The following DLC1 variants were observed in gnomAD, a reference collection of about 807,000 sequenced individuals.
DLC1 encodes the protein DLC1 Rho GTPase activating protein, also known as rho GTPase-activating protein 7.
In DLC1, 54 loss-of-function variants were observed where a neutral mutation model predicts 140.3. The observed-to-expected ratio is 0.38, with a 90% CI of 0.31 to 0.48. The LOEUF (loss-of-function observed/expected upper bound fraction) is 0.48. DLC1 is among the 20% of genes least tolerant of loss of function. The probability of loss-of-function intolerance (pLI) is 0.96; values close to 1 mark genes in which losing one functional copy is unlikely to be tolerated. For missense variants in DLC1, 2,536 were observed against 1,907.0 expected (o/e 1.33, Z -6.14); for synonymous variants, 986 against 728.1 (o/e 1.35, Z -5.70).
chr8:13,277,592 T>G (rs925335766), intron 5 of DLC1, among the ~76,000 whole-genome samples: 2 of 152,238 alleles, frequency 1.3e-5, no homozygotes, highest in African/African-American at 4.8e-5. Context: ...ACTGCTTCTT[T>G]TACAAGATAT....
chr8:13,337,035 T>C (rs1055152938), intron 4 of DLC1, among the ~76,000 whole-genome samples: 2 of 152,150 alleles, frequency 1.3e-5, no homozygotes, highest in African/African-American at 2.4e-5. Flanking sequence ...AAAGGAAAAG[T>C]ATAACTTCCT....
chr8:13,393,356 G>T (rs1389582026), intron 4 of DLC1, among the ~76,000 whole-genome samples, 197 bp downstream of exon 4: 1 of 152,170 alleles, frequency 6.6e-6, no homozygotes, highest in Non-Finnish European at 1.5e-5. Flanking sequence ...ACCTGTTTCA[G>T]TGAAGTACTT....
chr8:13,281,824 A>G (rs1831374867), intron 5 of DLC1, among the ~76,000 whole-genome samples: 1 of 152,206 alleles, frequency 6.6e-6, no homozygotes, highest in South Asian at 2.1e-4. Flanking sequence ...TTTCCTTTTG[A>G]CTGCTGAATT....
At chr8:13,334,539 A>T (rs1833741039) in intron 4 of DLC1, among the ~76,000 whole-genome samples, 1 of 152,184 alleles carries the variant, frequency 6.6e-6, no homozygotes. Flanking sequence ...AACAATGGGG[A>T]CCAAACCAGG....
chr8:13,554,510 C>G (rs1803974431), intron 1 of DLC1, among the ~76,000 whole-genome samples: 1 of 152,186 alleles, frequency 6.6e-6, no homozygotes, highest in South Asian at 2.1e-4. Context: ...AGCTACACTT[C>G]CAGGTTTTCC....
chr8:13,120,204 G>T (rs1585683361), intron 5 of DLC1, among the ~76,000 whole-genome samples: 1 of 150,854 alleles, frequency 6.6e-6, no homozygotes, highest in Non-Finnish European at 1.5e-5. Context: ...TTAGCCAGGC[G>T]TGGTGGCGGG....
chr8:13,355,998 G>T (rs1237558842), intron 4 of DLC1, among the ~76,000 whole-genome samples: 1 of 142,578 alleles, frequency 7.0e-6, no homozygotes, highest in Admixed American at 7.5e-5. Context: ...GCAGAGGCAG[G>T]AGAATGGCAT....
chr8:13,153,219 G>A (rs1823971102), intron 5 of DLC1, among the ~76,000 whole-genome samples: 1 of 152,130 alleles, frequency 6.6e-6, no homozygotes, highest in Non-Finnish European at 1.5e-5. Context: ...TCCTTCTGGT[G>A]GGTTCGTGGT....
upstream of DLC1, among the ~76,000 whole-genome samples, chr8:13,518,099 C>CT (rs777411288): frequency 2.2e-4 from 17 of 75,974 alleles, no homozygotes; most frequent in Non-Finnish European, 3.8e-4. Flanking sequence ...GATCACCTTT[C>CT]TTTTTTTTGT....
intron 2 of DLC1, among the ~76,000 whole-genome samples, chr8:13,442,656 T>C (rs1026933880): frequency 3.9e-5 from 6 of 152,152 alleles, no homozygotes; most frequent in African/African-American, 1.4e-4. Context: ...CACAATGAGA[T>C]ACCATCTCAC....
At chr8:13,226,497 G>T (rs1828800076) in intron 5 of DLC1, among the ~76,000 whole-genome samples, 1 of 152,086 alleles carries the variant, frequency 6.6e-6, no homozygotes, top group Non-Finnish European at 1.5e-5. Context: ...CCCACAGTTG[G>T]TCCTATGGCC....
At chr8:13,596,251 C>A (rs951517164) in intron 1 of DLC1, among the ~76,000 whole-genome samples, 1 of 151,986 alleles carries the variant, frequency 6.6e-6, no homozygotes, top group Middle Eastern at 3.4e-3. Flanking sequence ...AAATGGCTTT[C>A]CATTTTATTA....
intron 2 of DLC1, among the ~76,000 whole-genome samples, chr8:13,465,843 G>GAGAACCAATGTCCTGGTTCTCATACC (rs1563371254): frequency 3.9e-5 from 6 of 151,994 alleles, no homozygotes; most frequent in Non-Finnish European, 8.8e-5. Context: ...TTGGTTCTGT[G>GAGAACCAATGTCCTGGTTCTCATACC]AGAACCAATG....
At chr8:13,566,932 G>C (rs566976024) in intron 1 of DLC1, 2 of 1,470,746 alleles carry the variant, frequency 1.4e-6, no homozygotes. Context: ...CTCCTGACGG[G>C]TTCCTGAGCC....
intron 3 of DLC1, among the ~76,000 whole-genome samples, chr8:13,401,222 A>G (rs556593347): frequency 3.2e-4 from 48 of 152,308 alleles, no homozygotes; most frequent in Non-Finnish European, 5.7e-4. Flanking sequence ...TCCTAAGGTG[A>G]CTTTCCTTCC....
chr8:13,182,722 A>G (rs1380020774), intron 5 of DLC1, among the ~76,000 whole-genome samples: 17 of 150,370 alleles, frequency 1.1e-4, no homozygotes, highest in South Asian at 4.2e-4. Flanking sequence ...TGGTTACTGT[A>G]GCCTTGTAGT....
At chr8:13,331,728 C>G (rs1214865884) in intron 4 of DLC1, among the ~76,000 whole-genome samples, 2 of 151,646 alleles carry the variant, frequency 1.3e-5, no homozygotes, top group Admixed American at 6.6e-5. Flanking sequence ...AAACCTGAAA[C>G]TCAATATTTT....
At chr8:13,329,790 T>C (rs1833510259) in intron 4 of DLC1, among the ~76,000 whole-genome samples, 1 of 152,208 alleles carries the variant, frequency 6.6e-6, no homozygotes, top group Non-Finnish European at 1.5e-5. Context: ...GAGCTGTGTA[T>C]GTATTTTCTT....
At chr8:13,506,581 G>GTGTATGTATATATATATATA (rs1246764417) in intron 1 of DLC1, among the ~76,000 whole-genome samples, 1 of 131,142 alleles carries the variant, frequency 7.6e-6, no homozygotes, top group African/African-American at 3.2e-5. Context: ...GTGTGTGTGT[G>GTGTATGTATATATATATATA]TATATATATA....
Sources: gnomAD v4.1 joint callset for allele counts (sites outside exome capture counted in the v4.1 genomes callset) on GRCh38, gnomAD v4.1.1 for gene constraint, MANE v1.5 for transcripts, NCBI Gene and HGNC (gene_info 2026-07-23, HGNC 2026-07-21) for gene names.